Variants in PLCL2 observed in about 807,000 individuals in gnomAD.
The protein encoded by PLCL2 is inactive phospholipase C-like protein 2.
In PLCL2, 4 loss-of-function variants were observed where a neutral mutation model predicts 79.6. That is an observed-to-expected ratio of 0.05 (90% CI 0.02 to 0.11). The LOEUF is 0.11. Ranked by LOEUF, PLCL2 falls within the 10% of genes least tolerant of loss-of-function variation. The pLI, the probability that PLCL2 is intolerant of heterozygous loss-of-function variation, is 1.00. For missense variants in PLCL2, 895 were observed against 1,291.0 expected (o/e 0.69, Z 4.70); for synonymous variants, 484 against 457.7 (o/e 1.06, Z -0.73).
At chr3:17,066,775 A>C (rs1575613194) in intron 4 of PLCL2, among the ~76,000 whole-genome samples, 1 of 152,300 alleles carries the variant, frequency 6.6e-6, no homozygotes, top group East Asian at 1.9e-4. Context: ...AAAGAAAGAA[A>C]ACAACCAACA....
At chr3:17,061,103 T>TGTTTTGGACAAGTTATA (rs2064948277) in intron 4 of PLCL2, among the ~76,000 whole-genome samples, 1 of 152,328 alleles carries the variant, frequency 6.6e-6, no homozygotes, top group East Asian at 1.9e-4. Context: ...CATGCTATAT[T>TGTTTTGGACAAGTTATA]TTATTTTCAT....
intron 1 of PLCL2, among the ~76,000 whole-genome samples, chr3:16,999,925 A>C (rs747190928): frequency 2.8e-4 from 43 of 152,178 alleles, no homozygotes; most frequent in Non-Finnish European, 5.3e-4. Flanking sequence ...CTCTGCCTTT[A>C]CTCTGGCATT....
chr3:16,932,599 C>G (rs1024480136), intron 1 of PLCL2, among the ~76,000 whole-genome samples: 1 of 152,234 alleles, frequency 6.6e-6, no homozygotes, highest in African/African-American at 2.4e-5. Flanking sequence ...TGAATTTTCT[C>G]TCTCTCCATT....
intron 1 of PLCL2, among the ~76,000 whole-genome samples, chr3:16,973,455 G>A (rs1029145505): frequency 2.0e-5 from 3 of 150,134 alleles, no homozygotes; most frequent in Non-Finnish European, 4.4e-5. Context: ...TGCATTTCCT[G>A]CATTTGAATT....
chr3:16,914,398 A>T (rs994222710), intron 1 of PLCL2, among the ~76,000 whole-genome samples: 1 of 152,174 alleles, frequency 6.6e-6, no homozygotes, highest in African/African-American at 2.4e-5. Flanking sequence ...TAAAAGAAAG[A>T]AAGTTTTCAA....
chr3:17,084,965 T>C (rs1365235777), intron 5 of PLCL2, among the ~76,000 whole-genome samples: 2 of 152,172 alleles, frequency 1.3e-5, no homozygotes, highest in Non-Finnish European at 2.9e-5. Context: ...AAAAGGTATA[T>C]ATCTTGAGAA....
chr3:16,968,488 C>T (rs1482445074), intron 1 of PLCL2, among the ~76,000 whole-genome samples: 1 of 152,046 alleles, frequency 6.6e-6, no homozygotes, highest in Non-Finnish European at 1.5e-5. Flanking sequence ...TCTTTCACCT[C>T]CCTGGTTAGC....
chr3:16,992,386 T>C (rs1340592479), intron 1 of PLCL2, among the ~76,000 whole-genome samples: 1 of 152,146 alleles, frequency 6.6e-6, no homozygotes, highest in African/African-American at 2.4e-5. Flanking sequence ...TGTGTTCCCT[T>C]TGTGAAGGGA....
chr3:16,978,679 C>G (rs2063950364), intron 1 of PLCL2, among the ~76,000 whole-genome samples: 1 of 152,200 alleles, frequency 6.6e-6, no homozygotes, highest in African/African-American at 2.4e-5. Context: ...GACATTCTTA[C>G]AAGCTCATTA....
chr3:16,984,201 T>C (rs1161971891), intron 1 of PLCL2, among the ~76,000 whole-genome samples: 2 of 152,176 alleles, frequency 1.3e-5, no homozygotes, highest in Non-Finnish European at 2.9e-5. Context: ...AGGAATAGCC[T>C]AAACAGAGCT....
chr3:17,087,305 C>T (rs552753036), intron 5 of PLCL2, among the ~76,000 whole-genome samples: 1 of 152,272 alleles, frequency 6.6e-6, no homozygotes, highest in Admixed American at 6.5e-5. Flanking sequence ...TGCATCCAGA[C>T]AATGGAATAT....
At chr3:16,921,504 G>C (rs1697124107) in intron 1 of PLCL2, among the ~76,000 whole-genome samples, 1 of 152,150 alleles carries the variant, frequency 6.6e-6, no homozygotes, top group Non-Finnish European at 1.5e-5. Flanking sequence ...ATAATCTTTT[G>C]AGGAAAACAG....
At chr3:16,994,900 G>A (rs1379106481) in intron 1 of PLCL2, among the ~76,000 whole-genome samples, 1 of 152,178 alleles carries the variant, frequency 6.6e-6, no homozygotes, top group Non-Finnish European at 1.5e-5. Flanking sequence ...TACAGGCATC[G>A]TGATGAGATA....
intron 1 of PLCL2, among the ~76,000 whole-genome samples, chr3:16,933,678 A>T (rs1697466128): frequency 6.7e-6 from 1 of 150,124 alleles, no homozygotes; most frequent in South Asian, 2.1e-4. Context: ...TAAATGTTTT[A>T]TTTTTTTTCT....
intron 1 of PLCL2, among the ~76,000 whole-genome samples, chr3:16,951,686 A>T (rs961450046): frequency 6.6e-6 from 1 of 152,164 alleles, no homozygotes; most frequent in Non-Finnish European, 1.5e-5. Context: ...AGTAATACAT[A>T]GGATTTAGTG....
At chr3:16,993,786 C>T (rs2064126623) in intron 1 of PLCL2, among the ~76,000 whole-genome samples, 1 of 152,158 alleles carries the variant, frequency 6.6e-6, no homozygotes, top group African/African-American at 2.4e-5. Flanking sequence ...TAATGCAAGG[C>T]CCTTCCAGTT....
In PLCL2 at chr3:16,885,366, G is replaced by T; in HGVS notation, c.327G>T (p.Lys109Asn). 1 of 627,596 alleles carries T rather than the reference G, an allele frequency of 1.6e-6. No homozygotes were observed. The highest frequency in any genetic ancestry group is 2.5e-5 in the Admixed American group (1 of 39,694). 38.9% of individuals were successfully genotyped at this position (627,596 alleles called of 1,614,324 possible). A position where few individuals can be genotyped will look rare whatever the true frequency, so the allele number is the denominator to read the frequency against. ...TGCCCCGCCGGAGCAGCATCATCAAGGTAGGTGGGAGAAGGGCGCTCATCG... is the reference window on the plus strand; with the variant it reads ...TGCCCCGCCGGAGCAGCATCATCAATGTAGGTGGGAGAAGGGCGCTCATCG... ...GGLPRRSSII[K>N]DGTKQKRERK... The change falls in exon 1 of 6, where the codon AAG becomes AAT. Residue 109 changes from lysine (K) to asparagine (N), a missense_variant and splice_region_variant. Around this residue, in one of 6 missense-constraint regions of PLCL2, gnomAD observed 110 missense variants for 42.9 expected, o/e 2.56. Coordinates refer to ENST00000615277, the MANE Select transcript of PLCL2 (RefSeq NM_001144382.2).
chr3:17,065,702 A>T (rs1185286196), intron 4 of PLCL2, among the ~76,000 whole-genome samples: 1 of 152,162 alleles, frequency 6.6e-6, no homozygotes, highest in Admixed American at 6.5e-5. Context: ...AATCATTGCG[A>T]AGAGCCCACA....
intron 1 of PLCL2, among the ~76,000 whole-genome samples, chr3:16,963,099 A>G (rs955770206): frequency 2.6e-5 from 4 of 152,122 alleles, no homozygotes; most frequent in African/African-American, 9.6e-5. Flanking sequence ...AGATTATTTT[A>G]CATATTTATG....
Sources: gnomAD v4.1 joint callset for allele counts (sites outside exome capture counted in the v4.1 genomes callset) on GRCh38, gnomAD v4.1.1 for gene constraint, gnomAD v4.1.1 regional missense constraint, MANE v1.5 for transcripts, NCBI Gene and HGNC (gene_info 2026-07-23, HGNC 2026-07-21) for gene names.